The following SLC5A4 variants were observed in gnomAD, a reference collection of about 807,000 sequenced individuals.
SLC5A4 encodes the protein solute carrier family 5 member 4, also known as probable glucose sensor protein SLC5A4.
Under a neutral mutation model 70.3 loss-of-function variants are expected in SLC5A4, and 55 were observed. The ratio of observed to expected loss-of-function variants is 0.78; its 90% CI spans 0.63 to 0.98. SLC5A4 has a LOEUF of 0.98. Among genes scored for constraint, SLC5A4 ranks in the 50% least tolerant of loss-of-function variants. The pLI is 0.00. For missense variants in SLC5A4, 735 were observed against 839.2 expected, an observed-to-expected ratio of 0.88 and a Z score of 1.53; for synonymous variants, 268 against 305.7, an observed-to-expected ratio of 0.88 and a Z score of 1.29.
chr22:32,303,663 C>T, the SLC5A4 span, among the ~76,000 whole-genome samples: 1 of 152,100 alleles, frequency 6.6e-6, no homozygotes, highest in Admixed American at 6.6e-5. Context: ...ATTGAATAAT[C>T]TTGTATTGTC....
chr22:32,293,393 G>C, the SLC5A4 span, among the ~76,000 whole-genome samples: 671 of 151,934 alleles, frequency 4.4e-3, 7 homozygotes, highest in African/African-American at 0.016. Context: ...TTTTGGATAA[G>C]TGCATTTTGT....
the SLC5A4 span, among the ~76,000 whole-genome samples, chr22:32,300,085 G>A: frequency 4.6e-5 from 7 of 150,820 alleles, no homozygotes; most frequent in Non-Finnish European, 1.0e-4. Context: ...ATTTAAGTCT[G>A]CAGAGGTTAC....
the SLC5A4 span, among the ~76,000 whole-genome samples, chr22:32,306,054 C>CA: frequency 4.6e-5 from 7 of 152,188 alleles, no homozygotes; most frequent in East Asian, 1.3e-3. Flanking sequence ...TACAGAATGA[C>CA]AAATTATGTG....
chr22:32,282,310 A>G, the SLC5A4 span, among the ~76,000 whole-genome samples: 1 of 152,154 alleles, frequency 6.6e-6, no homozygotes, highest in Non-Finnish European at 1.5e-5. Flanking sequence ...GTCGGCTGGC[A>G]GACATCGGCT....
chr22:32,262,076 T>C, the SLC5A4 span, among the ~76,000 whole-genome samples: 2 of 152,268 alleles, frequency 1.3e-5, no homozygotes, highest in African/African-American at 4.8e-5. Flanking sequence ...CATTCGTTGA[T>C]GGACACTTAG....
chr22:32,278,670 C>A, the SLC5A4 span, among the ~76,000 whole-genome samples: 197 of 152,048 alleles, frequency 1.3e-3, 7 homozygotes, highest in South Asian at 0.03. Flanking sequence ...AAGAATGGAC[C>A]AAAGCATAAT....
At chr22:32,256,235 G>A (rs1331542358), upstream of SLC5A4, among the ~76,000 whole-genome samples, 1 of 152,030 alleles carries the variant, frequency 6.6e-6, no homozygotes, top group African/African-American at 2.4e-5. Context: ...CTGTGACTGG[G>A]AGGTCAAAGC....
At chr22:32,240,583 C>A (rs900355887) in intron 5 of SLC5A4, among the ~76,000 whole-genome samples, 15 of 151,974 alleles carry the variant, frequency 9.9e-5, no homozygotes, top group African/African-American at 3.1e-4. Context: ...GAACTGAGTC[C>A]GTTTTAAGAG....
At chr22:32,339,579 C>T in the SLC5A4 span, among the ~76,000 whole-genome samples, 2 of 152,018 alleles carry the variant, frequency 1.3e-5, no homozygotes, top group Non-Finnish European at 2.9e-5. Context: ...TCCGCCGGGC[C>T]CTCCTCTTGT....
chr22:32,293,020 T>C, the SLC5A4 span, among the ~76,000 whole-genome samples: 3 of 152,188 alleles, frequency 2.0e-5, no homozygotes, highest in African/African-American at 7.2e-5. Flanking sequence ...CATTATGAAA[T>C]GTTATTCTTT....
chr22:32,248,235 C>T (rs1404158354), intron 4 of SLC5A4, among the ~76,000 whole-genome samples: 2 of 152,172 alleles, frequency 1.3e-5, no homozygotes, highest in Non-Finnish European at 1.5e-5. Context: ...ACTGTGGATA[C>T]GGAACTGGCC....
the SLC5A4 span, among the ~76,000 whole-genome samples, chr22:32,261,122 C>T: frequency 4.3e-4 from 66 of 152,008 alleles, no homozygotes; most frequent in African/African-American, 1.5e-3. Flanking sequence ...GAGACTCACA[C>T]TTCTCTTCAC....
chr22:32,310,928 G>A, the SLC5A4 span, among the ~76,000 whole-genome samples: 15 of 152,332 alleles, frequency 9.8e-5, no homozygotes. Context: ...CTCATCTCCT[G>A]CCTTCCCTCT....
At chr22:32,239,323 G>A (rs1384404192) in intron 5 of SLC5A4, among the ~76,000 whole-genome samples, 1 of 150,768 alleles carries the variant, frequency 6.6e-6, no homozygotes, top group Non-Finnish European at 1.5e-5. Flanking sequence ...GCTCAGTTGA[G>A]GTGCTTATTA....
At chr22:32,239,565 TA>T (rs1926349344) in intron 5 of SLC5A4, among the ~76,000 whole-genome samples, 1 of 21,192 alleles carries the variant, frequency 4.7e-5, no homozygotes, top group African/African-American at 2.6e-4. Flanking sequence ...TATATATATA[TA>T]TATTTATATA....
At chr22:32,241,803 G>GTATATA (rs71720550) in intron 5 of SLC5A4, among the ~76,000 whole-genome samples, 2,101 of 148,022 alleles carry the variant, frequency 0.014, 17 homozygotes, top group Middle Eastern at 0.02. Flanking sequence ...GTGTGTGTGT[G>GTATATA]TATATATATC....
chr22:32,232,202 A>G (rs1354453456), intron 9 of SLC5A4, among the ~76,000 whole-genome samples: 2 of 152,194 alleles, frequency 1.3e-5, no homozygotes, highest in East Asian at 3.8e-4. Context: ...AAGCTGCAGT[A>G]AGAAGTGATG....
At chr22:32,252,100 G>A (rs916152321) in intron 2 of SLC5A4, among the ~76,000 whole-genome samples, 1 of 152,028 alleles carries the variant, frequency 6.6e-6, no homozygotes, top group Non-Finnish European at 1.5e-5. Flanking sequence ...CGTGGTGGTG[G>A]GCGCCTGTAG....
At chr22:32,355,052 G>A in the SLC5A4 span, among the ~76,000 whole-genome samples, 1 of 151,026 alleles carries the variant, frequency 6.6e-6, no homozygotes, top group Non-Finnish European at 1.5e-5. Context: ...ACGCAGGAGA[G>A]CTTGGAATGA....
Sources: allele counts gnomAD v4.1 joint callset (sites outside exome capture counted in the v4.1 genomes callset), GRCh38; gene constraint gnomAD v4.1.1; transcripts MANE v1.5; gene names NCBI Gene and HGNC (gene_info 2026-07-23, HGNC 2026-07-21).